The following PDE4A variants were observed in gnomAD, a reference collection of about 807,000 sequenced individuals.
The protein encoded by PDE4A is 3',5'-cyclic-AMP phosphodiesterase 4A.
In PDE4A, 21 loss-of-function variants were observed where a neutral mutation model predicts 73.9. The ratio of observed to expected loss-of-function variants is 0.28; its 90% CI spans 0.20 to 0.41. PDE4A has a LOEUF of 0.41. Ranked by LOEUF, PDE4A falls within the 10% of genes least tolerant of loss-of-function variation. The pLI is 1.00. For missense variants in PDE4A, 958 were observed against 1,211.4 expected (o/e 0.79, Z 3.10); for synonymous variants, 463 against 505.4 (o/e 0.92, Z 1.13).
chr19:10,467,293 A>G lies in PDE4A; in HGVS notation c.2333A>G (p.Tyr778Cys). The G allele has an allele frequency of 2.5e-6, 4 of 1,614,122 alleles. No homozygotes were observed. In the East Asian group the frequency reaches 8.9e-5, roughly 36 times the overall value. ...CTGGAGGCCGAGCTGGAGGCAGTGT[A>G]TTTGACACAGCAGGCACAGTCCACA... is the stretch of plus-strand genomic sequence containing the variant. ...ASLEAELEAV[Y>C]LTQQAQSTGS... Residue 778 changes from tyrosine (Y) to cysteine (C), a missense_variant, in exon 15 of 15, where the codon TAT becomes TGT. Transcript: ENST00000380702.
At chr19:10,421,317 G>A (rs968451590) in intron 1 of PDE4A, 1 of 985,338 alleles carries the variant, frequency 1.0e-6, no homozygotes, top group Non-Finnish European at 1.2e-6. Flanking sequence ...CACGCTGCGC[G>A]TGGTGTTAAC....
rs555383334 is a variant in PDE4A, at chr19:10,446,143, C to T, written c.321-75C>T. 183 of 1,507,850 alleles carry T rather than the reference C, an allele frequency of 1.2e-4. 1 individual carries two copies. Among genetic ancestry groups the T allele is most frequent in the African/African-American group, 9.4e-4 (67 of 71,576 alleles). 93.4% of individuals were successfully genotyped at this position (1,507,850 alleles called of 1,614,324 possible). On this transcript the variant is annotated intron_variant, in intron 1 of 14. Coordinates refer to ENST00000380702, the MANE Select transcript of PDE4A (RefSeq NM_001111307.2). Reference sequence around the variant, plus strand: ...CATTACAGGCGTGAGCCACCGCACCCGGCCTCCTCATTCCTCTTGACCTCC... The same window carrying T: ...CATTACAGGCGTGAGCCACCGCACCTGGCCTCCTCATTCCTCTTGACCTCC...
Position 10,440,862 on chromosome 19 carries a change from T to C in PDE4A, c.321-5356T>C, listed in dbSNP as rs141520411. On this transcript the variant is annotated intron_variant, in intron 1 of 14. Transcript: ENST00000380702. The stretch of plus-strand genomic sequence containing the variant: ...ATCCACCCACCTCGGCCTCCCAAAG[T>C]GCTGGGATTACAGGCGTGAGCCACC... Among the ~76,000 whole-genome samples, 1,335 of 151,316 alleles carry C rather than the reference T, an allele frequency of 8.8e-3. 24 individuals carry two copies. Among genetic ancestry groups the C allele is most frequent in the African/African-American group, 0.031 (1,284 of 41,264 alleles).
intron 10 of PDE4A, 126 bp downstream of exon 10, chr19:10,459,885 T>C: frequency 8.5e-7 from 1 of 1,170,432 alleles, no homozygotes; most frequent in Non-Finnish European, 1.2e-6. Flanking sequence ...TCTCTCTCTT[T>C]TTTTTTTCTT....
intron 4 of PDE4A, among the ~76,000 whole-genome samples, chr19:10,449,613 G>C (rs1334719064): frequency 2.0e-5 from 3 of 152,048 alleles, no homozygotes; most frequent in African/African-American, 4.8e-5. Context: ...ACCCGCCTCA[G>C]CCTCCCAAAG....
Position 10,458,022 on chromosome 19 carries a change from T to C in PDE4A, c.1021T>C (p.Leu341=). The change falls in exon 8 of 15, where the codon TTG becomes CTG. Residue 341 remains leucine, a synonymous_variant. Transcript: ENST00000380702. This position sits in a 1 kb window ranked among gnomAD's most constrained non-coding sequence, Gnocchi z 4.6. ...PMSQITGLKK[L]MHSNSLNNSN... is the part of the protein sequence containing the mutation. ...GTCCCAAATCACAGGGTTGAAAAAG[T>C]TGATGCATAGTAACAGCCTGAACAA... 1 of 1,613,850 alleles carries C rather than the reference T, an allele frequency of 6.2e-7. No homozygotes were observed. The highest frequency in any genetic ancestry group is 8.5e-7 in the Non-Finnish European group (1 of 1,180,000).
chr19:10,426,773 G>A (rs987945629), intron 1 of PDE4A, among the ~76,000 whole-genome samples: 2 of 151,806 alleles, frequency 1.3e-5, no homozygotes, highest in Non-Finnish European at 2.9e-5. Flanking sequence ...GCTGAGGTGG[G>A]AGGAGGATTG....
At position 10,458,130 on chromosome 19, in the gene PDE4A, C is replaced by A; in HGVS notation, c.1101+28C>A. On this transcript the variant is annotated intron_variant, in intron 8 of 14. Coordinates refer to ENST00000380702, the MANE Select transcript of PDE4A (RefSeq NM_001111307.2). The surrounding 1 kb of genome is among the most constrained non-coding windows in gnomAD (Gnocchi z 4.6). The stretch of plus-strand genomic sequence containing the variant: ...GGGTGGGGGCTCAGTAGGGGCAGGG[C>A]TGGAGGGGGTGGTCTCCTGGGACCC... 6.2e-7 allele frequency: 1 copy of A among 1,607,088 alleles called. No individual in the cohort carries two copies. Among genetic ancestry groups the A allele is most frequent in the Non-Finnish European group, 8.5e-7 (1 of 1,174,452 alleles).
chr19:10,418,861 C>T (rs1022974809), upstream of PDE4A: 5 of 983,966 alleles, frequency 5.1e-6, no homozygotes, highest in African/African-American at 1.7e-5. Context: ...ACTCACAGCC[C>T]CTGCAAATTC....
chr19:10,463,846 G>A lies in PDE4A; in HGVS notation c.1797G>A (p.Leu599=). Residue 599 remains leucine, a synonymous_variant, in exon 14 of 15, where the codon CTG becomes CTA. Transcript: ENST00000380702. ...CADLSNPTKP[L]ELYRQWTDRI... ...ACCTCAGCAACCCCACCAAGCCGCTGGAGCTGTACCGCCAGTGGACAGACC... is the reference window on the plus strand; with the variant it reads ...ACCTCAGCAACCCCACCAAGCCGCTAGAGCTGTACCGCCAGTGGACAGACC... 1.9e-6 allele frequency: 3 copies of A among 1,614,158 alleles called. No individual in the cohort carries two copies. Among genetic ancestry groups the A allele is most frequent in the Non-Finnish European group, 2.5e-6 (3 of 1,180,022 alleles).
chr19:10,432,527 C>A, intron 1 of PDE4A: 1 of 1,526,082 alleles, frequency 6.6e-7, no homozygotes, highest in Non-Finnish European at 8.8e-7. Flanking sequence ...ACTTCCCCTT[C>A]AGCGATGAGG....
upstream of PDE4A, among the ~76,000 whole-genome samples, chr19:10,418,155 A>C (rs1265249531): frequency 6.6e-6 from 1 of 152,206 alleles, no homozygotes; most frequent in African/African-American, 2.4e-5. Context: ...GAGCTGGGGC[A>C]GGTTGATCAG....
At position 10,430,755 on chromosome 19, in the gene PDE4A, G is replaced by A. The variant is rs1349836429; in HGVS notation, c.320+9671G>A. 1.1e-5 allele frequency: 4 copies of A among 354,614 alleles called. No individual in the cohort carries two copies. In the East Asian group the frequency reaches 5.0e-4, roughly 44 times the overall value. 22.0% of individuals were successfully genotyped at this position (354,614 alleles called of 1,614,324 possible). A position where few individuals can be genotyped will look rare whatever the true frequency, so the allele number is the denominator to read the frequency against. On this transcript the variant is annotated intron_variant, in intron 1 of 14. Transcript: ENST00000380702. Reference sequence around the variant, plus strand: ...CGACAGGGCGGGGTGGGGCCCGCGGGCCCGGGGCTGGGCAGGCGGCCTGCG... The same window carrying A: ...CGACAGGGCGGGGTGGGGCCCGCGGACCCGGGGCTGGGCAGGCGGCCTGCG...
intron 1 of PDE4A, among the ~76,000 whole-genome samples, chr19:10,437,070 T>C (rs2042874929): frequency 6.6e-6 from 1 of 151,938 alleles, no homozygotes; most frequent in Admixed American, 6.6e-5. Context: ...AAATGGACAT[T>C]ATCATCAAAG....
At chr19:10,454,617 C>A in intron 6 of PDE4A, 1 of 294,438 alleles carries the variant, frequency 3.4e-6, no homozygotes, top group Non-Finnish European at 5.0e-6. Flanking sequence ...TTATGCTGAC[C>A]ATGACTCCCC....
At chr19:10,427,452 G>GA (rs1178935136) in intron 1 of PDE4A, 7 of 981,644 alleles carry the variant, frequency 7.1e-6, no homozygotes, top group Middle Eastern at 5.2e-4. Flanking sequence ...GGAGGCAGTG[G>GA]AAAAAAAGGA....
At chr19:10,447,203 G>A (rs1276087573) in intron 2 of PDE4A, among the ~76,000 whole-genome samples, 1 of 128,838 alleles carries the variant, frequency 7.8e-6, no homozygotes, top group Non-Finnish European at 1.6e-5. Context: ...CCTGGCCTCA[G>A]TTCCTTTTTT....
intron 1 of PDE4A, among the ~76,000 whole-genome samples, chr19:10,422,472 C>T (rs1001421681): frequency 1.3e-5 from 2 of 152,116 alleles, no homozygotes; most frequent in East Asian, 1.9e-4. Flanking sequence ...TGCTTGTGCT[C>T]CAGCGATGTG....
At chr19:10,417,685 A>T (rs2042601245), upstream of PDE4A, 1 of 1,595,464 alleles carries the variant, frequency 6.3e-7, no homozygotes, top group Admixed American at 1.7e-5. Context: ...CCCGAATCCG[A>T]CCGTGCCAAC....
Sources: allele counts gnomAD v4.1 joint callset (sites outside exome capture counted in the v4.1 genomes callset), GRCh38; gene constraint gnomAD v4.1.1; non-coding constraint Gnocchi (gnomAD v3.1); transcripts MANE v1.5; gene names NCBI Gene and HGNC (gene_info 2026-07-23, HGNC 2026-07-21).